Variants in NRP2 observed in about 807,000 individuals in gnomAD.
The protein encoded by NRP2 is neuropilin 2.
A neutral mutation model predicts 110.4 loss-of-function variants in NRP2; 52 were observed. The ratio of observed to expected loss-of-function variants is 0.47; its 90% CI spans 0.38 to 0.59. The LOEUF is 0.59. NRP2 is among the 20% of genes least tolerant of loss of function. The probability of loss-of-function intolerance (pLI) is 0.00; values close to 1 mark genes in which losing one functional copy is unlikely to be tolerated. For missense variants in NRP2, 1,049 were observed against 1,203.0 expected (o/e 0.87, Z 1.89); for synonymous variants, 508 against 468.9 (o/e 1.08, Z -1.08).
chr2:205,786,241 G>A (rs1474363027), intron 15 of NRP2, among the ~76,000 whole-genome samples: 2 of 152,216 alleles, frequency 1.3e-5, no homozygotes, highest in Non-Finnish European at 2.9e-5. Flanking sequence ...GAATTTTGAA[G>A]TGCCAAGAAG....
intron 1 of NRP2, among the ~76,000 whole-genome samples, chr2:205,687,935 G>A (rs528155156): frequency 6.6e-6 from 1 of 152,268 alleles, no homozygotes; most frequent in African/African-American, 2.4e-5. Flanking sequence ...ATGATTCTGG[G>A]GACCCTGGTG....
At chr2:205,764,840 GT>G (rs1244947728) in intron 13 of NRP2, among the ~76,000 whole-genome samples, 2 of 152,194 alleles carry the variant, frequency 1.3e-5, no homozygotes, top group African/African-American at 2.4e-5. Flanking sequence ...GTAACTACCT[GT>G]TTGCATTTGT....
rs998886898 is a variant in NRP2 at position 205,727,819 on chromosome 2, C to T, written c.991-72C>T. 8.8e-6 allele frequency: 13 copies of T among 1,477,966 alleles called. No homozygotes were observed. In the African/African-American group the frequency reaches 1.7e-4, roughly 19 times the overall value. 91.6% of individuals were successfully genotyped at this position (1,477,966 alleles called of 1,614,324 possible). A position where few individuals can be genotyped will look rare whatever the true frequency, so the allele number is the denominator to read the frequency against. On this transcript the variant is annotated intron_variant, in intron 6 of 16. Transcript: ENST00000357785. Reference sequence around the variant, plus strand: ...TGGAAGCAAAGTCTAATGATTGTGTCCTTTGGAAAAAAACAAGACACTGCC... The same window carrying T: ...TGGAAGCAAAGTCTAATGATTGTGTTCTTTGGAAAAAAACAAGACACTGCC...
At chr2:205,738,268 A>C (rs2057379839) in intron 7 of NRP2, among the ~76,000 whole-genome samples, 1 of 152,168 alleles carries the variant, frequency 6.6e-6, no homozygotes, top group Admixed American at 6.5e-5. Context: ...GATGGCGACC[A>C]CACACACAGT....
intron 2 of NRP2, chr2:205,700,630 G>C (rs1399571014): frequency 8.1e-6 from 4 of 494,928 alleles, no homozygotes; most frequent in Non-Finnish European, 1.6e-5. Context: ...ACATCCCAAA[G>C]GTTGAGACGG....
intron 1 of NRP2, among the ~76,000 whole-genome samples, chr2:205,687,399 AT>A (rs1420911068): frequency 6.6e-6 from 1 of 150,902 alleles, no homozygotes; most frequent in East Asian, 2.0e-4. Context: ...GGCTCTAGGG[AT>A]TGGTCTCATG....
intron 1 of NRP2, among the ~76,000 whole-genome samples, chr2:205,688,494 A>G (rs1035734835): frequency 2.0e-5 from 3 of 152,184 alleles, no homozygotes; most frequent in Admixed American, 6.5e-5. Context: ...TAATGGTTTC[A>G]TTGCCTAACA....
chr2:205,689,979 G>A (rs896444878), intron 1 of NRP2, among the ~76,000 whole-genome samples: 2 of 152,128 alleles, frequency 1.3e-5, no homozygotes, highest in Admixed American at 6.5e-5. Context: ...AAAAAAGGAG[G>A]GGCTGGGAAT....
At chr2:205,709,865 A>G (rs1023620997) in intron 2 of NRP2, among the ~76,000 whole-genome samples, 1 of 152,212 alleles carries the variant, frequency 6.6e-6, no homozygotes, top group Non-Finnish European at 1.5e-5. Flanking sequence ...CATGGGCCAT[A>G]TGTTCACATA....
intron 2 of NRP2, among the ~76,000 whole-genome samples, chr2:205,714,244 G>T (rs940101462): frequency 2.6e-5 from 4 of 152,172 alleles, no homozygotes; most frequent in African/African-American, 4.8e-5. Context: ...GCTCAGAAAG[G>T]TTCAGTAACT....
intron 1 of NRP2, chr2:205,685,929 C>T (rs953681547): frequency 1.3e-5 from 2 of 152,322 alleles, no homozygotes; most frequent in African/African-American, 4.8e-5. Context: ...TCTAGAAGCG[C>T]CGCGCGCCCA....
At chr2:205,794,409 C>T (rs920946838) in intron 16 of NRP2, among the ~76,000 whole-genome samples, 5 of 152,222 alleles carry the variant, frequency 3.3e-5, no homozygotes, top group Admixed American at 2.6e-4. Flanking sequence ...CGCGCCCGGC[C>T]TCAAATTATT....
At position 205,763,884 on chromosome 2, in the gene NRP2, G is replaced by A; in HGVS notation, c.2255G>A (p.Gly752Asp). The A allele has an allele frequency of 6.2e-7, 1 of 1,614,052 alleles. No homozygotes were observed. Among genetic ancestry groups the A allele is most frequent in the Non-Finnish European group, 8.5e-7 (1 of 1,179,926 alleles). The change falls in exon 13 of 17, where the codon GGC becomes GAC. Residue 752 changes from glycine to aspartate, a missense_variant. Gly to Asp is a moderately conservative substitution (Grantham distance 94). Transcript: ENST00000357785. The surrounding 1 kb of genome is among the most constrained non-coding windows in gnomAD (Gnocchi z 4.0). ...LLWVIREDQG[G>D]EWKHGRIILP... The stretch of plus-strand genomic sequence containing the variant: ...TGGGTCATCCGTGAGGACCAGGGCG[G>A]CGAGTGGAAGCACGGGCGGATCATC...
chr2:205,776,754 C>T, intron 15 of NRP2: 3 of 1,450,192 alleles, frequency 2.1e-6, no homozygotes, highest in Non-Finnish European at 1.8e-6. Context: ...ACAAACCCAA[C>T]TCTAATGCTG....
chr2:205,765,852 C>T (rs943073095), intron 14 of NRP2: 15 of 526,634 alleles, frequency 2.8e-5, no homozygotes, highest in African/African-American at 1.7e-4. Context: ...CTCAGCAAAC[C>T]CCAGCTTTTA....
intron 2 of NRP2, among the ~76,000 whole-genome samples, chr2:205,699,922 C>T (rs1255642721): frequency 6.6e-6 from 1 of 152,110 alleles, no homozygotes; most frequent in Non-Finnish European, 1.5e-5. Flanking sequence ...ATCCACTTAA[C>T]CTTGTCATTA....
At chr2:205,784,053 C>A (rs1228160456) in intron 15 of NRP2, among the ~76,000 whole-genome samples, 7 of 139,860 alleles carry the variant, frequency 5.0e-5, no homozygotes, top group African/African-American at 1.9e-4. Context: ...TGTGTAATTG[C>A]GCAAAATTAA....
chr2:205,720,699 C>T (rs916034991), intron 3 of NRP2, among the ~76,000 whole-genome samples: 4 of 152,212 alleles, frequency 2.6e-5, no homozygotes, highest in Admixed American at 6.5e-5. Flanking sequence ...CCTGAAGACC[C>T]GCCAGCTGGC....
intron 15 of NRP2, chr2:205,767,137 G>C: frequency 2.7e-6 from 1 of 374,556 alleles, no homozygotes; most frequent in Non-Finnish European, 4.9e-6. Flanking sequence ...ACTGTGGGAA[G>C]ACTGAACCAA....
Sources: gnomAD v4.1 joint callset for allele counts (sites outside exome capture counted in the v4.1 genomes callset) on GRCh38, gnomAD v4.1.1 for gene constraint, Gnocchi (gnomAD v3.1) non-coding constraint, MANE v1.5 for transcripts, NCBI Gene and HGNC (gene_info 2026-07-23, HGNC 2026-07-21) for gene names.